Variants in NAALADL2 observed in about 807,000 individuals in gnomAD.
NAALADL2 encodes the protein inactive N-acetylated-alpha-linked acidic dipeptidase-like protein 2.
In NAALADL2, 76 loss-of-function variants were observed where a neutral mutation model predicts 87.2. The ratio of observed to expected loss-of-function variants is 0.87; its 90% CI spans 0.72 to 1.05. The LOEUF is 1.05. Ranked by LOEUF, NAALADL2 falls within the 50% of genes least tolerant of loss-of-function variation. The pLI is 0.00. For synonymous variants in NAALADL2, 354 were observed against 331.0 expected (o/e 1.07, Z -0.75); for missense variants, 1,089 against 945.8 (o/e 1.15, Z -1.99).
intron 9 of NAALADL2, among the ~76,000 whole-genome samples, chr3:175,563,911 C>A (rs889738491): frequency 1.3e-5 from 2 of 152,090 alleles, no homozygotes; most frequent in African/African-American, 2.4e-5. Flanking sequence ...GTCTAATGGG[C>A]TCACTCCAGC....
At chr3:174,841,279 A>G (rs1240789569) in intron 3 of NAALADL2, among the ~76,000 whole-genome samples, 3 of 152,164 alleles carry the variant, frequency 2.0e-5, no homozygotes, top group Non-Finnish European at 4.4e-5. Context: ...TATTCTGGAT[A>G]TGTTCATGTC....
intron 10 of NAALADL2, among the ~76,000 whole-genome samples, chr3:175,583,631 A>G (rs1389001083): frequency 6.6e-6 from 1 of 152,222 alleles, no homozygotes; most frequent in African/African-American, 2.4e-5. Flanking sequence ...GCAGTAATGC[A>G]GATAATGTAT....
intron 3 of NAALADL2, among the ~76,000 whole-genome samples, chr3:174,776,713 C>T (rs1715254023): frequency 6.6e-6 from 1 of 152,072 alleles, no homozygotes; most frequent in Non-Finnish European, 1.5e-5. Context: ...GAAGATATTT[C>T]ACTTATTTTC....
intron 1 of NAALADL2, among the ~76,000 whole-genome samples, chr3:174,947,658 TA>T (rs1324135765): frequency 6.6e-6 from 1 of 152,060 alleles, no homozygotes; most frequent in Non-Finnish European, 1.5e-5. Flanking sequence ...AGAAATCTTT[TA>T]TTTTTTTTCT....
intron 5 of NAALADL2, among the ~76,000 whole-genome samples, chr3:175,428,904 T>A (rs962400024): frequency 6.6e-6 from 1 of 152,116 alleles, no homozygotes; most frequent in Admixed American, 6.6e-5. Flanking sequence ...TCTATTTTTA[T>A]CTGGCTTGTT....
chr3:174,788,484 T>C (rs930541129), intron 3 of NAALADL2, among the ~76,000 whole-genome samples: 20 of 152,330 alleles, frequency 1.3e-4, no homozygotes, highest in African/African-American at 4.8e-4. Context: ...TAAATCTCTT[T>C]CCTTGGCTTG....
At chr3:174,655,621 AT>A (rs58227182) in intron 2 of NAALADL2, among the ~76,000 whole-genome samples, 6,770 of 152,270 alleles carry the variant, frequency 0.044, 545 homozygotes, top group African/African-American at 0.15. Flanking sequence ...CCCTTTGAAT[AT>A]TTTTACCAAA....
At chr3:174,920,895 C>T (rs1248270116) in intron 1 of NAALADL2, among the ~76,000 whole-genome samples, 1 of 152,028 alleles carries the variant, frequency 6.6e-6, no homozygotes, top group East Asian at 1.9e-4. Flanking sequence ...GAGAAGGAGG[C>T]CTGAGGAGAG....
At chr3:174,458,421 G>T (rs1559996461) in intron 1 of NAALADL2, 1 of 152,126 alleles carries the variant, frequency 6.6e-6, no homozygotes, top group Non-Finnish European at 1.5e-5. Context: ...TGTATATAAA[G>T]CACCTGTTGT....
chr3:175,384,845 G>A (rs1052913192), intron 5 of NAALADL2, among the ~76,000 whole-genome samples: 4 of 147,606 alleles, frequency 2.7e-5, no homozygotes, highest in Non-Finnish European at 1.5e-5. Flanking sequence ...TCACTTCATT[G>A]TTATTACCAA....
At chr3:174,481,272 T>A (rs974215222) in intron 1 of NAALADL2, among the ~76,000 whole-genome samples, 1 of 151,948 alleles carries the variant, frequency 6.6e-6, no homozygotes, top group Admixed American at 6.6e-5. Flanking sequence ...GATTCTTGGA[T>A]AGGTAATGTG....
In NAALADL2 at chr3:174,790,426, G is replaced by T. The variant is rs1325212387; in HGVS notation, c.-9+52680G>T. On this transcript the variant is annotated intron_variant, in intron 3 of 3. Transcript: ENST00000434257. ...GCACTTTGGGAGGCTGAGGCAGGTG[G>T]ATCATTTGAGGTCAGGAGTTCGAGA... Among the ~76,000 whole-genome samples the T allele has an allele frequency of 7.9e-5, 12 of 152,110 alleles. No individual in the cohort carries two copies. The East Asian group carries it at 2.3e-3, about 29-fold the overall frequency.
At chr3:175,243,346 G>A (rs200817363) in intron 3 of NAALADL2, among the ~76,000 whole-genome samples, 1,101 of 87,628 alleles carry the variant, frequency 0.013, 15 homozygotes, top group African/African-American at 0.038. Context: ...ACACACACAC[G>A]CACGCACACA....
intron 2 of NAALADL2, among the ~76,000 whole-genome samples, chr3:175,125,709 C>T (rs951474411): frequency 6.6e-6 from 1 of 151,960 alleles, no homozygotes; most frequent in Non-Finnish European, 1.5e-5. Context: ...TATCTGGAAC[C>T]GAACAGGTTC....
At chr3:175,715,713 T>C (rs180710606) in intron 11 of NAALADL2, among the ~76,000 whole-genome samples, 100 of 151,926 alleles carry the variant, frequency 6.6e-4, no homozygotes, top group South Asian at 6.4e-3. Flanking sequence ...TGGTCTCTAC[T>C]AAAAATACAA....
rs367659376 is a variant in NAALADL2, at chr3:175,717,955, G to A, written c.1897-19351G>A. 2.2e-4 allele frequency among the ~76,000 whole-genome samples: 33 copies of A among 151,452 alleles called. No homozygotes were observed. The East Asian group carries it at 4.5e-3, about 21-fold the overall frequency. ...CTCCAGAGAAGCTGGGATTACAGGC[G>A]CCCATCACCACACCCAGCTAACTTT... is the stretch of plus-strand genomic sequence containing the variant. On this transcript the variant is annotated intron_variant, in intron 11 of 13. Coordinates refer to ENST00000454872, the MANE Select transcript of NAALADL2 (RefSeq NM_207015.3).
intron 3 of NAALADL2, among the ~76,000 whole-genome samples, chr3:174,835,200 G>T (rs1483818653): frequency 6.6e-6 from 1 of 151,944 alleles, no homozygotes; most frequent in East Asian, 1.9e-4. Context: ...AATAGTGCTA[G>T]AACTATTGGA....
intron 1 of NAALADL2, among the ~76,000 whole-genome samples, chr3:174,983,140 C>A (rs1035840916): frequency 1.3e-5 from 2 of 151,864 alleles, no homozygotes; most frequent in Non-Finnish European, 2.9e-5. Context: ...GGAGGCCCAC[C>A]ATCCTACACA....
intron 9 of NAALADL2, among the ~76,000 whole-genome samples, chr3:175,560,912 G>A (rs978296539): frequency 2.0e-5 from 3 of 152,076 alleles, no homozygotes; most frequent in Non-Finnish European, 2.9e-5. Flanking sequence ...GAACCATTGC[G>A]CCCAGCCCAT....
Sources: gnomAD v4.1 joint callset for allele counts (sites outside exome capture counted in the v4.1 genomes callset) on GRCh38, gnomAD v4.1.1 for gene constraint, MANE v1.5 for transcripts, NCBI Gene and HGNC (gene_info 2026-07-23, HGNC 2026-07-21) for gene names.